Variants in ZNF273 observed in about 807,000 individuals in gnomAD.
ZNF273 encodes the protein zinc finger protein 9.
A neutral mutation model predicts 14.9 loss-of-function variants in ZNF273; 11 were observed. That is an observed-to-expected ratio of 0.74 (90% CI 0.46 to 1.22). ZNF273 has a LOEUF of 1.22. Among genes scored for constraint, ZNF273 ranks in the 50% most tolerant of loss-of-function variants. The probability of loss-of-function intolerance (pLI) is 0.00; values close to 1 mark genes in which losing one functional copy is unlikely to be tolerated. For synonymous variants in ZNF273, 199 were observed against 223.9 expected, an observed-to-expected ratio of 0.89 and a Z score of 0.99; for missense variants, 577 against 660.6, an observed-to-expected ratio of 0.87 and a Z score of 1.39.
chr7:64,881,156 C>T (rs531853465), downstream of ZNF273, among the ~76,000 whole-genome samples: 1 of 152,342 alleles, frequency 6.6e-6, no homozygotes, highest in Non-Finnish European at 1.5e-5. Context: ...TGCCAGGGAA[C>T]AGTTGGAGTG....
intron 1 of ZNF273, among the ~76,000 whole-genome samples, chr7:64,904,338 C>T (rs557733325): frequency 6.6e-6 from 1 of 152,336 alleles, no homozygotes; most frequent in African/African-American, 2.4e-5. Flanking sequence ...AATCCACCCG[C>T]CTCCGCCTCC....
chr7:64,928,353 G>C lies in ZNF273; in HGVS notation c.1025G>C (p.Gly342Ala). Residue 342 changes from glycine (G) to alanine (A), a missense_variant, in exon 4 of 4, where the codon GGA (glycine) becomes GCA (alanine). Around this residue, in one of 3 missense-constraint regions of ZNF273, gnomAD observed 411 missense variants for 440.4 expected, o/e 0.93. Transcript: ENST00000476120. ...TLTKHKIIHT[G>A]EKPYKCNECG... ...ACTAAACATAAGATAATTCATACTG[G>C]AGAGAAACCCTACAAATGCAATGAA... The C allele has an allele frequency of 6.2e-7, 1 of 1,613,620 alleles. No homozygotes were observed. The highest frequency in any genetic ancestry group is 8.5e-7 in the Non-Finnish European group (1 of 1,179,842).
chr7:64,878,751 A>G (rs974142791), intron 2 of ZNF273, among the ~76,000 whole-genome samples: 1 of 152,116 alleles, frequency 6.6e-6, no homozygotes, highest in African/African-American at 2.4e-5. Flanking sequence ...AGTGGGATGG[A>G]TGACTGATGT....
In ZNF273 at chr7:64,927,788, G is replaced by GATGAGC. The variant is rs1363980071; in HGVS notation, c.463_468dup (p.Glu155_His156dup). ...ATTAAGAAAAGGCTGTAAAAGTGCG[G>GATGAGC]ATGAGCATAAGGTGCACAAAAGAGG... On this transcript the variant is annotated inframe_insertion, in exon 4 of 4. Coordinates refer to ENST00000476120, the MANE Select transcript of ZNF273 (RefSeq NM_021148.3). 2 of 1,613,942 alleles carry GATGAGC rather than the reference G, an allele frequency of 1.2e-6. No homozygotes were observed. Among genetic ancestry groups the GATGAGC allele is most frequent in the Non-Finnish European group, 8.5e-7 (1 of 1,179,960 alleles).
downstream of ZNF273, chr7:64,889,109 G>C: frequency 1.0e-6 from 1 of 985,988 alleles, no homozygotes; most frequent in Non-Finnish European, 1.2e-6. The surrounding 1 kb of genome is among the most constrained non-coding windows in gnomAD (Gnocchi z 4.2). Context: ...CGGGCTCCGG[G>C]AGCCAAGCAG....
At chr7:64,888,911 C>T (rs780144654), downstream of ZNF273, 2 of 983,576 alleles carry the variant, frequency 2.0e-6, no homozygotes, top group South Asian at 9.4e-5. Flanking sequence ...GAGTCCAAGT[C>T]ACCCTGCAAG....
At chr7:64,882,337 C>A (rs202073261), downstream of ZNF273, among the ~76,000 whole-genome samples, 1 of 136,682 alleles carries the variant, frequency 7.3e-6, no homozygotes, top group African/African-American at 2.7e-5. Flanking sequence ...CACGGAGACG[C>A]CCCAGGAGGC....
intron 1 of ZNF273, among the ~76,000 whole-genome samples, chr7:64,909,178 A>C: frequency 6.6e-6 from 1 of 151,294 alleles, no homozygotes; most frequent in Non-Finnish European, 1.5e-5. Context: ...TGGCCTCCCA[A>C]TGTGCTGCGA....
In ZNF273 at chr7:64,887,325, T is replaced by A. The variant is rs570868300; in HGVS notation, n.274-1248T>A. Among the ~76,000 whole-genome samples, 3 of 148,638 alleles carry A rather than the reference T, an allele frequency of 2.0e-5. No homozygotes were observed. The South Asian group carries it at 6.3e-4, about 31-fold the overall frequency. ...CCAGCCCCTGCAATTGCCCTTTGCA[T>A]GTTCTCATCTGGCCTCATGATCATC... is the stretch of plus-strand genomic sequence containing the variant. On this transcript the variant is annotated intron_variant and non_coding_transcript_variant, in intron 1 of 1. Transcript: ENST00000471926.
chr7:64,890,723 A>T (rs1791976142), downstream of ZNF273, among the ~76,000 whole-genome samples: 1 of 152,174 alleles, frequency 6.6e-6, no homozygotes, highest in Non-Finnish European at 1.5e-5. Flanking sequence ...TTTACCTGTT[A>T]TCTGTTTTCA....
rs182941636 is a variant in ZNF273 at position 64,930,250 on chromosome 7, T to C, written c.*1212T>C. 2 of 152,148 alleles carry C rather than the reference T, an allele frequency of 1.3e-5. No homozygotes were observed. Among genetic ancestry groups the C allele is most frequent in the African/African-American group, 2.4e-5 (1 of 41,494 alleles). 9.4% of individuals were successfully genotyped at this position (152,148 alleles called of 1,614,324 possible). On this transcript the variant is annotated 3_prime_UTR_variant, in exon 4 of 4. Coordinates refer to ENST00000476120, the MANE Select transcript of ZNF273 (RefSeq NM_021148.3). ...CAAAGATATGAGATTTTTTTTTTTA[T>C]TAGGTGGGCATTATTTATGACCTTT...
At position 64,887,773 on chromosome 7, in the gene ZNF273, C is replaced by T. The variant is rs1355348736; in HGVS notation, n.274-800C>T. ...TCGACCTCCCAGAGTGCTGGGATTA[C>T]AAGCATGAGCCACCGTGCCCTGTCT... On this transcript the variant is annotated intron_variant and non_coding_transcript_variant, in intron 1 of 1. Transcript: ENST00000471926. 3.3e-5 allele frequency among the ~76,000 whole-genome samples: 5 copies of T among 151,744 alleles called. No individual in the cohort carries two copies. The East Asian group carries it at 9.7e-4, about 29-fold the overall frequency.
At chr7:64,921,211 G>A (rs1794425795) in intron 3 of ZNF273, among the ~76,000 whole-genome samples, 1 of 151,562 alleles carries the variant, frequency 6.6e-6, no homozygotes, top group Non-Finnish European at 1.5e-5. Context: ...ATTCAGGCAC[G>A]TGCCACCATG....
chr7:64,927,924 G>T lies in ZNF273; in HGVS notation c.596G>T (p.Arg199Ile). The change falls in exon 4 of 4, where the codon AGA (arginine) becomes ATA (isoleucine). Residue 199 changes from arginine to isoleucine, a missense_variant. Physicochemically the swap from Arg to Ile is moderately conservative, Grantham distance 97. This residue lies in a region of ZNF273 where 411 missense variants were observed against 440.4 expected (regional missense o/e 0.93). Transcript: ENST00000476120. ...TCAAATTCAAATATACATAAGAAAAGACAAACTGGAAAGAAACCTTTCAAA... is the reference window on the plus strand; with the variant it reads ...TCAAATTCAAATATACATAAGAAAATACAAACTGGAAAGAAACCTTTCAAA... ...KFSNSNIHKKRQTGKKPFKCK... is the reference protein window; with the variant it reads ...KFSNSNIHKKIQTGKKPFKCK... 6.2e-7 allele frequency: 1 copy of T among 1,613,346 alleles called. No homozygotes were observed. The highest frequency in any genetic ancestry group is 8.5e-7 in the Non-Finnish European group (1 of 1,179,806).
intron 1 of ZNF273, among the ~76,000 whole-genome samples, chr7:64,905,752 A>G (rs967986255): frequency 2.0e-5 from 3 of 152,164 alleles, no homozygotes; most frequent in African/African-American, 7.2e-5. Context: ...TGGGAGAATC[A>G]AGGGATCGTG....
chr7:64,929,439 C>T lies in ZNF273; in HGVS notation c.*401C>T, dbSNP rs1794923146. 1 of 153,196 alleles carries T rather than the reference C, an allele frequency of 6.5e-6. No individual in the cohort carries two copies. The highest frequency in any genetic ancestry group is 1.9e-4 in the East Asian group (1 of 5,212). 9.5% of individuals were successfully genotyped at this position (153,196 alleles called of 1,614,324 possible). On this transcript the variant is annotated 3_prime_UTR_variant, in exon 4 of 4. Transcript: ENST00000476120. ...GCAGTTGTTCAAACTTTGTTCAATA[C>T]CAGGAAATTTATATTGGAGAAAAAC...
chr7:64,928,884 G>C lies in ZNF273; in HGVS notation c.1556G>C (p.Cys519Ser). ...TGEKPYKCEE[C>S]GKAFNRSSNL... ...GAGAAGCCCTACAAATGTGAAGAAT[G>C]TGGCAAAGCTTTTAACCGGTCCTCA... is the stretch of plus-strand genomic sequence containing the variant. The change falls in exon 4 of 4, where the codon TGT becomes TCT. Residue 519 changes from cysteine (C) to serine (S), a missense_variant. By Grantham distance (112) the Cys-to-Ser change is moderately radical. Transcript: ENST00000476120. 2 of 1,613,996 alleles carry C rather than the reference G, an allele frequency of 1.2e-6. No homozygotes were observed. The highest frequency in any genetic ancestry group is 1.7e-6 in the Non-Finnish European group (2 of 1,179,940).
intron 1 of ZNF273, among the ~76,000 whole-genome samples, chr7:64,907,847 C>A (rs4718168): frequency 1.3e-5 from 2 of 151,786 alleles, no homozygotes; most frequent in South Asian, 4.1e-4. Context: ...CCAGGGTGAG[C>A]GAGAACTGAC....
At chr7:64,920,000 T>G (rs1295703231) in intron 3 of ZNF273, among the ~76,000 whole-genome samples, 1 of 151,970 alleles carries the variant, frequency 6.6e-6, no homozygotes, top group Non-Finnish European at 1.5e-5. Context: ...AGTTTTGCAT[T>G]GGTGTCTGTG....
Sources: allele counts gnomAD v4.1 joint callset (sites outside exome capture counted in the v4.1 genomes callset), GRCh38; gene constraint gnomAD v4.1.1; regional missense constraint gnomAD v4.1.1; non-coding constraint Gnocchi (gnomAD v3.1); transcripts MANE v1.5; gene names NCBI Gene and HGNC (gene_info 2026-07-23, HGNC 2026-07-21).